Variants in ENOX1 observed in about 807,000 individuals in gnomAD.
ENOX1 encodes candidate growth-related and time keeping constitutive hydroquinone (NADH) oxidase.
Under a neutral mutation model 82.5 loss-of-function variants are expected in ENOX1, and 42 were observed. The observed-to-expected ratio is 0.51, with a 90% confidence interval of 0.40 to 0.66. The LOEUF is 0.66. Among genes scored for constraint, ENOX1 ranks in the 30% least tolerant of loss-of-function variants. ENOX1 has a pLI of 0.00. For missense variants in ENOX1, 608 were observed against 811.6 expected, an observed-to-expected ratio of 0.75 and a Z score of 3.05; for synonymous variants, 271 against 282.2, an observed-to-expected ratio of 0.96 and a Z score of 0.40.
chr13:43,578,201 G>T (rs1021196974), intron 2 of ENOX1, among the ~76,000 whole-genome samples: 1 of 152,068 alleles, frequency 6.6e-6, no homozygotes, highest in African/African-American at 2.4e-5. Context: ...AAACCAAGAG[G>T]TCATCAAAAT....
chr13:43,441,811 AT>A (rs11304162), intron 3 of ENOX1, among the ~76,000 whole-genome samples: 88,140 of 148,890 alleles, frequency 0.59, 27,981 homozygotes, highest in Non-Finnish European at 0.74. Context: ...TTCTCCTTCG[AT>A]TTTTTTTTTT....
intron 3 of ENOX1, among the ~76,000 whole-genome samples, chr13:43,476,294 G>T (rs2058281560): frequency 6.6e-6 from 1 of 152,010 alleles, no homozygotes; most frequent in Admixed American, 6.6e-5. Context: ...ATTTCTGATA[G>T]CTCTCATTTA....
At chr13:43,229,926 T>G (rs1001248232) in intron 15 of ENOX1, among the ~76,000 whole-genome samples, 1 of 152,184 alleles carries the variant, frequency 6.6e-6, no homozygotes, top group African/African-American at 2.4e-5. Context: ...CTCATTAAAT[T>G]TGAGATGTGC....
chr13:43,682,698 A>C (rs774192912), intron 1 of ENOX1, among the ~76,000 whole-genome samples: 12 of 152,236 alleles, frequency 7.9e-5, no homozygotes, highest in Middle Eastern at 3.4e-3. Context: ...GGGAAAAAAA[A>C]CCACATTGCT....
chr13:43,694,129 GA>G (rs2086513617), intron 1 of ENOX1, among the ~76,000 whole-genome samples: 1 of 151,260 alleles, frequency 6.6e-6, no homozygotes, highest in Non-Finnish European at 1.5e-5. Flanking sequence ...TTAATGTCAA[GA>G]AACATTTGAA....
intron 2 of ENOX1, among the ~76,000 whole-genome samples, chr13:43,539,386 T>A (rs1402075794): frequency 6.6e-6 from 1 of 152,184 alleles, no homozygotes; most frequent in African/African-American, 2.4e-5. Flanking sequence ...ATCATTCAGG[T>A]CAAAATATTT....
chr13:43,313,326 AG>A (rs1440065201), intron 11 of ENOX1, among the ~76,000 whole-genome samples: 1 of 152,196 alleles, frequency 6.6e-6, no homozygotes, highest in Non-Finnish European at 1.5e-5. Flanking sequence ...TGGTCTGGGA[AG>A]GTAAGCATAT....
chr13:43,572,311 A>G (rs2080219808), intron 2 of ENOX1, among the ~76,000 whole-genome samples: 2 of 152,200 alleles, frequency 1.3e-5, no homozygotes, highest in Admixed American at 1.3e-4. Context: ...AAATGCTAGG[A>G]ATTGTTTGGC....
intron 2 of ENOX1, among the ~76,000 whole-genome samples, chr13:43,493,611 A>T (rs1289850413): frequency 1.3e-5 from 2 of 152,194 alleles, no homozygotes; most frequent in Non-Finnish European, 2.9e-5. Context: ...TTGAAGGCAG[A>T]TCTTCCCCAT....
At chr13:43,705,328 C>CTATATATATATA (rs1248320824) in intron 1 of ENOX1, among the ~76,000 whole-genome samples, 3 of 71,132 alleles carry the variant, frequency 4.2e-5, no homozygotes, top group African/African-American at 1.2e-4. Context: ...CTCTCTCTCT[C>CTATATATATATA]TCTATATATA....
chr13:43,704,064 C>T (rs963597343), intron 1 of ENOX1, among the ~76,000 whole-genome samples: 6 of 150,458 alleles, frequency 4.0e-5, no homozygotes, highest in South Asian at 2.1e-4. Flanking sequence ...ATTAAGACAC[C>T]GATAGAGAAA....
At chr13:43,783,257 T>C (rs181931769) in intron 1 of ENOX1, among the ~76,000 whole-genome samples, 20 of 152,322 alleles carry the variant, frequency 1.3e-4, no homozygotes, top group African/African-American at 4.6e-4. Flanking sequence ...CAATATATTA[T>C]ACACAATGCA....
chr13:43,437,951 GA>G (rs2056131365), intron 3 of ENOX1, among the ~76,000 whole-genome samples: 2 of 152,126 alleles, frequency 1.3e-5, no homozygotes. Flanking sequence ...TTAAATAGAG[GA>G]AAAAATTGGT....
intron 1 of ENOX1, among the ~76,000 whole-genome samples, chr13:43,708,229 C>T (rs117903439): frequency 3.4e-3 from 522 of 152,246 alleles, no homozygotes; most frequent in Non-Finnish European, 5.6e-3. Context: ...AGTGAGCATG[C>T]GTACAACTTC....
At chr13:43,255,596 A>T (rs1164469552) in intron 14 of ENOX1, among the ~76,000 whole-genome samples, 1 of 152,182 alleles carries the variant, frequency 6.6e-6, no homozygotes, top group African/African-American at 2.4e-5. Flanking sequence ...ATACAAAGTC[A>T]ATGTACAGAA....
Position 43,253,954 on chromosome 13 carries a change from C to T in ENOX1, c.1611+11444G>A, listed in dbSNP as rs143849260. Among the ~76,000 whole-genome samples the T allele has an allele frequency of 5.0e-3, 761 of 152,286 alleles. 2 individuals carry two copies. The highest frequency in any genetic ancestry group is 0.017 in the Middle Eastern group (5 of 292). ...AATTGAGCCCTCTAGGTTTATTTGA[C>T]TTTAAAATGATATTGCTTGCATGCA... On this transcript the variant is annotated intron_variant, in intron 14 of 16. Transcript: ENST00000690772.
chr13:43,616,527 C>G (rs1489958502), intron 2 of ENOX1, among the ~76,000 whole-genome samples: 1 of 151,808 alleles, frequency 6.6e-6, no homozygotes, highest in Non-Finnish European at 1.5e-5. Context: ...TAAATCCTTT[C>G]AATACACTGG....
chr13:43,326,914 T>C (rs2296248), intron 9 of ENOX1, among the ~76,000 whole-genome samples: 30,584 of 152,170 alleles, frequency 0.2, 4,026 homozygotes, highest in East Asian at 0.58. Context: ...AGAAGTGAAG[T>C]CAGGGAGAAG....
intron 2 of ENOX1, among the ~76,000 whole-genome samples, chr13:43,628,987 C>T (rs1488558742): frequency 1.3e-5 from 2 of 152,116 alleles, no homozygotes; most frequent in East Asian, 3.9e-4. Context: ...AATATCACAG[C>T]CCCAGCAAGA....
Sources: gnomAD v4.1 joint callset for allele counts (sites outside exome capture counted in the v4.1 genomes callset) on GRCh38, gnomAD v4.1.1 for gene constraint, MANE v1.5 for transcripts, NCBI Gene and HGNC (gene_info 2026-07-23, HGNC 2026-07-21) for gene names.